BBX: variants seen among roughly 807,000 people sequenced by gnomAD.
The protein encoded by BBX is BBX high mobility group box domain containing.
BBX carries 30 observed loss-of-function variants against 100.2 expected under a neutral mutation model. The ratio of observed to expected loss-of-function variants is 0.30; its 90% CI spans 0.22 to 0.41. The LOEUF is 0.41. Among genes scored for constraint, BBX ranks in the 10% least tolerant of loss-of-function variants. BBX has a pLI of 1.00. For synonymous variants in BBX, 376 were observed against 388.1 expected (o/e 0.97, Z 0.37); for missense variants, 1,023 against 1,129.8 (o/e 0.91, Z 1.35).
Position 107,747,978 on chromosome 3 carries a change from C to T in BBX, c.764C>T (p.Thr255Met), listed in dbSNP as rs758399180. ...GTTTCCTTTCAGATATCTTCAAGTA[C>T]GTCCCACTCTGATGCTTCTACAAAG... ...LFQFAEISSS[T>M]SHSDASTKQC... Residue 255 changes from threonine to methionine, a missense_variant, in exon 9 of 18, where the codon ACG becomes ATG. Physicochemically the swap from Thr to Met is moderately conservative, Grantham distance 81. Around this residue, in one of 9 missense-constraint regions of BBX, gnomAD observed 95 missense variants for 95.1 expected, o/e 1.00. Coordinates refer to ENST00000325805, the MANE Select transcript of BBX (RefSeq NM_001142568.3). 30 of 1,612,486 alleles carry T rather than the reference C, an allele frequency of 1.9e-5. No homozygotes were observed. The highest frequency in any genetic ancestry group is 4.0e-5 in the African/African-American group (3 of 74,830).
chr3:107,790,149 G>A (rs963390584), intron 14 of BBX, among the ~76,000 whole-genome samples: 31 of 152,158 alleles, frequency 2.0e-4, no homozygotes, highest in African/African-American at 5.8e-4. Context: ...TATTTGGTGC[G>A]TTTTGCAATT....
chr3:107,770,897 C>G (rs1576727360), intron 10 of BBX, among the ~76,000 whole-genome samples: 2 of 152,198 alleles, frequency 1.3e-5, no homozygotes, highest in African/African-American at 4.8e-5. Context: ...GGTAAAAAAG[C>G]ATCTGGTATT....
chr3:107,613,877 A>G (rs2055037934), intron 2 of BBX, among the ~76,000 whole-genome samples: 1 of 147,152 alleles, frequency 6.8e-6, no homozygotes. Flanking sequence ...TAAGAGACTG[A>G]GTGGAGCTCA....
At chr3:107,660,151 A>G (rs1010305377) in intron 3 of BBX, among the ~76,000 whole-genome samples, 2 of 152,124 alleles carry the variant, frequency 1.3e-5, no homozygotes, top group Non-Finnish European at 2.9e-5. Flanking sequence ...TATATATAGT[A>G]TCACTCATCT....
chr3:107,603,011 TGGA>T (rs777534528), intron 2 of BBX, among the ~76,000 whole-genome samples: 13 of 152,358 alleles, frequency 8.5e-5, no homozygotes, highest in South Asian at 2.1e-4. Context: ...TCATTCAGGC[TGGA>T]GTGCAGTGGC....
intron 3 of BBX, among the ~76,000 whole-genome samples, chr3:107,664,698 C>T (rs2058649481): frequency 6.6e-6 from 1 of 152,208 alleles, no homozygotes; most frequent in African/African-American, 2.4e-5. Context: ...TAAATGTTCT[C>T]TTGCAATAAA....
chr3:107,682,766 G>T (rs1232321744), intron 3 of BBX, among the ~76,000 whole-genome samples: 1 of 152,070 alleles, frequency 6.6e-6, no homozygotes, highest in Non-Finnish European at 1.5e-5. Context: ...AGACAAAAAG[G>T]CTCATTTGCT....
intron 3 of BBX, 57 bp from the exon 4 acceptor site, chr3:107,710,395 C>T (rs755667941): frequency 1.5e-5 from 21 of 1,382,348 alleles, no homozygotes; most frequent in African/African-American, 5.9e-5. Flanking sequence ...TGATTTATCT[C>T]GGTGTCTCTC....
At chr3:107,657,678 T>C (rs1313513858) in intron 3 of BBX, among the ~76,000 whole-genome samples, 2 of 152,182 alleles carry the variant, frequency 1.3e-5, no homozygotes, top group Non-Finnish European at 1.5e-5. Context: ...ATTACTGATT[T>C]GTGGGAGGGG....
intron 2 of BBX, among the ~76,000 whole-genome samples, chr3:107,551,256 C>T (rs573199093): frequency 2.0e-5 from 3 of 152,148 alleles, no homozygotes; most frequent in Admixed American, 6.5e-5. Context: ...GAAGTAGCCA[C>T]GTGTTAGTTA....
At chr3:107,526,146 T>G (rs528163458) in intron 1 of BBX, among the ~76,000 whole-genome samples, 181 bp from the exon 2 acceptor site, 1 of 152,104 alleles carries the variant, frequency 6.6e-6, no homozygotes, top group Non-Finnish European at 1.5e-5. Context: ...ACGGGGAGCT[T>G]CTTTGCCTTC....
chr3:107,605,169 A>G (rs891380915), intron 2 of BBX, among the ~76,000 whole-genome samples: 2 of 152,208 alleles, frequency 1.3e-5, no homozygotes, highest in Non-Finnish European at 2.9e-5. Context: ...TTCTTGATTA[A>G]CAACAGAAGG....
intron 2 of BBX, among the ~76,000 whole-genome samples, chr3:107,583,353 T>C (rs573375258): frequency 3.9e-5 from 6 of 152,152 alleles, no homozygotes; most frequent in Non-Finnish European, 7.4e-5. Flanking sequence ...AGAACATGAA[T>C]GATTTGCCTG....
chr3:107,677,159 C>T (rs1296316680), intron 3 of BBX, among the ~76,000 whole-genome samples: 1 of 152,048 alleles, frequency 6.6e-6, no homozygotes, highest in East Asian at 1.9e-4. Context: ...GTAACCTGTA[C>T]TAATAACATT....
chr3:107,567,675 A>G (rs2051025003), intron 2 of BBX, among the ~76,000 whole-genome samples: 1 of 151,890 alleles, frequency 6.6e-6, no homozygotes, highest in South Asian at 2.1e-4. Flanking sequence ...GCTGGGTTTT[A>G]CTTTTTGGTT....
chr3:107,729,456 T>C (rs1471150945), intron 6 of BBX, among the ~76,000 whole-genome samples: 2 of 152,336 alleles, frequency 1.3e-5, no homozygotes, highest in African/African-American at 4.8e-5. Flanking sequence ...CCATCCTGTC[T>C]GTCTCCTCTC....
At chr3:107,710,798 T>A (rs1214713102) in intron 4 of BBX, among the ~76,000 whole-genome samples, 176 bp downstream of exon 4, 2 of 152,232 alleles carry the variant, frequency 1.3e-5, no homozygotes, top group Non-Finnish European at 2.9e-5. Flanking sequence ...CTTAAAGTAT[T>A]TGTACTTCCT....
intron 2 of BBX, among the ~76,000 whole-genome samples, chr3:107,594,463 C>T (rs935585203): frequency 2.0e-5 from 3 of 152,104 alleles, no homozygotes; most frequent in Non-Finnish European, 2.9e-5. Flanking sequence ...GTGACGGCAG[C>T]GGAGATGACA....
intron 3 of BBX, among the ~76,000 whole-genome samples, chr3:107,708,176 A>G (rs1299432876): frequency 6.6e-6 from 1 of 152,176 alleles, no homozygotes; most frequent in Non-Finnish European, 1.5e-5. Flanking sequence ...TAAATGGACT[A>G]TCAATTCACA....
Sources: gnomAD v4.1 joint callset for allele counts (sites outside exome capture counted in the v4.1 genomes callset) on GRCh38, gnomAD v4.1.1 for gene constraint, gnomAD v4.1.1 regional missense constraint, MANE v1.5 for transcripts, NCBI Gene and HGNC (gene_info 2026-07-23, HGNC 2026-07-21) for gene names.